Variants in EXOC4 observed in about 807,000 individuals in gnomAD.
EXOC4 encodes the protein exocyst complex component 4, also known as SEC8-like 1.
A neutral mutation model predicts 107.2 loss-of-function variants in EXOC4; 71 were observed. That is an observed-to-expected ratio of 0.66 (90% CI 0.55 to 0.81). EXOC4 has a LOEUF of 0.81. Among genes scored for constraint, EXOC4 ranks in the 30% least tolerant of loss-of-function variants. EXOC4 has a pLI of 0.00. For missense variants in EXOC4, 1,108 were observed against 1,189.6 expected, an observed-to-expected ratio of 0.93 and a Z score of 1.01; for synonymous variants, 456 against 441.2, an observed-to-expected ratio of 1.03 and a Z score of -0.42.
intron 11 of EXOC4, among the ~76,000 whole-genome samples, chr7:133,877,619 G>A (rs1347827124): frequency 6.6e-6 from 1 of 152,100 alleles, no homozygotes; most frequent in Non-Finnish European, 1.5e-5. Flanking sequence ...TCATTGCCCT[G>A]TGTGAACTCT....
At chr7:133,590,256 G>A (rs1288343776) in intron 9 of EXOC4, among the ~76,000 whole-genome samples, 1 of 151,960 alleles carries the variant, frequency 6.6e-6, no homozygotes, top group Admixed American at 6.6e-5. Context: ...TTCCACCCAA[G>A]CTTCACTATA....
At chr7:133,822,054 C>A (rs146473083) in intron 11 of EXOC4, among the ~76,000 whole-genome samples, 3 of 152,338 alleles carry the variant, frequency 2.0e-5, no homozygotes, top group African/African-American at 7.2e-5. Context: ...TTGGATACAT[C>A]TCATGGTCTT....
At chr7:133,414,189 T>C (rs914539187) in intron 7 of EXOC4, among the ~76,000 whole-genome samples, 2 of 152,172 alleles carry the variant, frequency 1.3e-5, no homozygotes, top group South Asian at 2.1e-4. Flanking sequence ...GCAATTCACA[T>C]AGGTGAATGC....
At chr7:134,016,844 G>A (rs1258529486) in intron 17 of EXOC4, among the ~76,000 whole-genome samples, 2 of 152,160 alleles carry the variant, frequency 1.3e-5, no homozygotes, top group Non-Finnish European at 2.9e-5. Flanking sequence ...TGATAGAAGG[G>A]GATTAGCAAT....
At chr7:133,490,986 A>C (rs1300030955) in intron 9 of EXOC4, among the ~76,000 whole-genome samples, 2 of 152,226 alleles carry the variant, frequency 1.3e-5, no homozygotes, top group Non-Finnish European at 2.9e-5. Context: ...ACCTATTTCT[A>C]AAGTACCTTG....
At chr7:133,875,974 T>A (rs931337332) in intron 11 of EXOC4, among the ~76,000 whole-genome samples, 1 of 152,194 alleles carries the variant, frequency 6.6e-6, no homozygotes, top group Non-Finnish European at 1.5e-5. Context: ...CAGTATAAAC[T>A]GTTTTGCTGT....
At chr7:133,253,696 A>G (rs1159998425) in intron 1 of EXOC4, 2 of 191,474 alleles carry the variant, frequency 1.0e-5, no homozygotes, top group South Asian at 1.8e-4. Context: ...AAGAATCTGC[A>G]GTGAGCTGGT....
intron 11 of EXOC4, among the ~76,000 whole-genome samples, chr7:133,884,575 T>C (rs1314948554): frequency 7.3e-6 from 1 of 137,618 alleles, no homozygotes; most frequent in Middle Eastern, 3.3e-3. Context: ...GTGCTTGCCC[T>C]ATGCTCTGTG....
chr7:133,632,404 G>T (rs1157857245), intron 10 of EXOC4, among the ~76,000 whole-genome samples: 1 of 152,146 alleles, frequency 6.6e-6, no homozygotes, highest in Non-Finnish European at 1.5e-5. Context: ...TGAAAGGTAA[G>T]TTCATTCTTT....
chr7:133,772,935 G>A (rs899357239), intron 10 of EXOC4, among the ~76,000 whole-genome samples: 1 of 152,062 alleles, frequency 6.6e-6, no homozygotes, highest in Non-Finnish European at 1.5e-5. Flanking sequence ...GTCCTAGTCT[G>A]TAAAATGGAC....
chr7:133,519,987 T>C (rs539329615), intron 9 of EXOC4, among the ~76,000 whole-genome samples: 1 of 152,122 alleles, frequency 6.6e-6, no homozygotes, highest in Non-Finnish European at 1.5e-5. Context: ...TAGTAAAATA[T>C]AACAAATGAA....
intron 14 of EXOC4, among the ~76,000 whole-genome samples, chr7:133,956,561 G>A (rs1166605910): frequency 2.0e-5 from 3 of 152,188 alleles, no homozygotes; most frequent in Admixed American, 1.3e-4. Flanking sequence ...GCTGTGCTCA[G>A]CTGGCAGCTC....
intron 15 of EXOC4, among the ~76,000 whole-genome samples, chr7:134,001,864 C>T (rs1363056892): frequency 2.6e-5 from 4 of 152,214 alleles, no homozygotes; most frequent in Non-Finnish European, 5.9e-5. Flanking sequence ...CTCACCAGTC[C>T]TCAGAACATC....
chr7:133,815,188 G>A (rs1321548928), intron 10 of EXOC4, among the ~76,000 whole-genome samples: 1 of 151,922 alleles, frequency 6.6e-6, no homozygotes, highest in Non-Finnish European at 1.5e-5. Flanking sequence ...AGACCAGCCT[G>A]GCCAACATGG....
intron 14 of EXOC4, among the ~76,000 whole-genome samples, chr7:133,978,379 G>A (rs971503355): frequency 1.3e-5 from 2 of 152,200 alleles, no homozygotes; most frequent in Non-Finnish European, 2.9e-5. Context: ...AGAGGTTGCA[G>A]CATTGCATTA....
intron 10 of EXOC4, among the ~76,000 whole-genome samples, chr7:133,725,506 G>A (rs766785111): frequency 9.2e-5 from 14 of 152,130 alleles, no homozygotes; most frequent in Non-Finnish European, 1.6e-4. Flanking sequence ...CTCCCGAGTA[G>A]CTGGGACTAC....
chr7:133,838,074 A>G (rs1056893475), intron 11 of EXOC4, among the ~76,000 whole-genome samples: 2 of 152,236 alleles, frequency 1.3e-5, no homozygotes, highest in Non-Finnish European at 2.9e-5. Context: ...GGAGCAAATC[A>G]TAACCCATTT....
chr7:133,954,039 A>G (rs1288817208), intron 14 of EXOC4, among the ~76,000 whole-genome samples: 4 of 152,212 alleles, frequency 2.6e-5, no homozygotes, highest in Admixed American at 2.6e-4. Context: ...AATTTTCAAC[A>G]TTTTGTAATA....
intron 9 of EXOC4, among the ~76,000 whole-genome samples, chr7:133,539,101 C>A (rs150385163): frequency 1.7e-3 from 256 of 152,090 alleles, no homozygotes; most frequent in African/African-American, 5.9e-3. Context: ...TATGCTTAAG[C>A]CTCTGCTCTA....
Sources: gnomAD v4.1 joint callset for allele counts (sites outside exome capture counted in the v4.1 genomes callset) on GRCh38, gnomAD v4.1.1 for gene constraint, MANE v1.5 for transcripts, NCBI Gene and HGNC (gene_info 2026-07-23, HGNC 2026-07-21) for gene names.